The following CUBN variants were observed in gnomAD, a reference collection of about 807,000 sequenced individuals.
The protein encoded by CUBN is 460 kDa receptor.
CUBN carries 282 observed loss-of-function variants against 405.3 expected under a neutral mutation model. The observed-to-expected ratio is 0.70, with a 90% CI of 0.63 to 0.77. The LOEUF is 0.77. Among genes scored for constraint, CUBN ranks in the 30% least tolerant of loss-of-function variants. CUBN has a pLI of 0.00. For synonymous variants in CUBN, 1,684 were observed against 1,617.0 expected, an observed-to-expected ratio of 1.04 and a Z score of -0.99; for missense variants, 4,514 against 4,475.2, an observed-to-expected ratio of 1.01 and a Z score of -0.25.
chr10:17,073,179 G>A (rs1056264156), intron 17 of CUBN, among the ~76,000 whole-genome samples: 2 of 152,034 alleles, frequency 1.3e-5, no homozygotes, highest in Admixed American at 6.6e-5. Flanking sequence ...TATTAATATA[G>A]ATACACAAAT....
chr10:17,127,012 G>T (rs1564525824), intron 3 of CUBN, among the ~76,000 whole-genome samples: 1 of 150,576 alleles, frequency 6.6e-6, no homozygotes, highest in Non-Finnish European at 1.5e-5. Context: ...GTTTTTTTAA[G>T]TTTTTTTTTA....
chr10:16,854,942 C>CTTCCTTCCTTCCTTCCTTCCTTCCTTCT, intron 59 of CUBN, among the ~76,000 whole-genome samples: 1 of 148,928 alleles, frequency 6.7e-6, no homozygotes, highest in African/African-American at 2.5e-5. Flanking sequence ...TCCTCCCTCC[C>CTTCCTTCCTTCCTTCCTTCCTTCCTTCT]TCCCTCCCTT....
At chr10:16,908,871 T>C (rs1588640183) in intron 48 of CUBN, among the ~76,000 whole-genome samples, 1 of 125,180 alleles carries the variant, frequency 8.0e-6, no homozygotes, top group Non-Finnish European at 1.8e-5. Context: ...AGATGTCATC[T>C]CTTTTTTTTT....
intron 48 of CUBN, among the ~76,000 whole-genome samples, chr10:16,911,011 G>A (rs1276398597): frequency 6.6e-6 from 1 of 152,096 alleles, no homozygotes; most frequent in Admixed American, 6.6e-5. Context: ...CACATTTGAT[G>A]GCAAAGGGAA....
rs1836122780 is a variant in CUBN, at chr10:17,086,916, A to C, written c.1948-1157T>G. On this transcript the variant is annotated intron_variant, in intron 15 of 66. Transcript: ENST00000377833. ...TGTGTAGGAATTTTTTAAAGCCTCT[A>C]ATTTTAACTTGATGGAATTTATTGA... Among the ~76,000 whole-genome samples the C allele has an allele frequency of 3.9e-5, 6 of 152,218 alleles. 1 individual carries two copies. The South Asian group carries it at 1.2e-3, about 32-fold the overall frequency.
intron 66 of CUBN, among the ~76,000 whole-genome samples, chr10:16,828,468 A>G (rs1330307526): frequency 6.6e-6 from 1 of 152,166 alleles, no homozygotes; most frequent in Non-Finnish European, 1.5e-5. Context: ...GTGTAATCCC[A>G]ACACTTTCGG....
At chr10:16,918,073 G>A (rs1242436068) in intron 45 of CUBN, among the ~76,000 whole-genome samples, 1 of 152,018 alleles carries the variant, frequency 6.6e-6, no homozygotes, top group Non-Finnish European at 1.5e-5. Context: ...GCTTGCTTTT[G>A]TCAGCTTTGT....
intron 4 of CUBN, among the ~76,000 whole-genome samples, chr10:17,124,858 G>T (rs1180592024): frequency 6.6e-6 from 1 of 151,940 alleles, no homozygotes; most frequent in Non-Finnish European, 1.5e-5. Context: ...TTGAGATGGA[G>T]CCTCGGTCTG....
rs568867000 is a variant in CUBN, at chr10:17,042,425, A to T, written c.3830-1205T>A. On this transcript the variant is annotated intron_variant, in intron 26 of 66. Coordinates refer to ENST00000377833, the MANE Select transcript of CUBN (RefSeq NM_001081.4). ...ACTATTTGTAAATCTCCAATTTCCC[A>T]TGGCAAATTTTACAGATAATCTCAC... Among the ~76,000 whole-genome samples the T allele has an allele frequency of 1.8e-4, 27 of 152,276 alleles. No homozygotes were observed. In the East Asian group the frequency reaches 5.2e-3, roughly 29 times the overall value.
At chr10:16,994,109 G>C (rs1268910087) in intron 28 of CUBN, among the ~76,000 whole-genome samples, 1 of 152,028 alleles carries the variant, frequency 6.6e-6, no homozygotes, top group Non-Finnish European at 1.5e-5. Flanking sequence ...TTGTAATTCT[G>C]GTAATTACGG....
At chr10:17,088,112 C>T (rs2131869218) in intron 15 of CUBN, 52 bp downstream of exon 15, 1 of 1,443,702 alleles carries the variant, frequency 6.9e-7, no homozygotes, top group Non-Finnish European at 9.7e-7. Flanking sequence ...GACCATAGTG[C>T]CCTGAGTCCT....
At chr10:17,067,516 G>A (rs73602209) in intron 21 of CUBN, among the ~76,000 whole-genome samples, 3,313 of 152,176 alleles carry the variant, frequency 0.022, 119 homozygotes, top group African/African-American at 0.075. Context: ...GAGAGTTGTA[G>A]AACAATTTCA....
rs1841341138 is a variant in CUBN, at chr10:16,900,842, A to G, written c.8193T>C (p.Phe2731=). ...APQGHTITLT[F]SDFDIEPHTT... is the part of the protein sequence containing the mutation. Reference sequence around the variant, plus strand: ...TATGGGGTTCAATATCAAAGTCACTAAATGTGAGCTGCAGGAGAAAAAAGA... The same window carrying G: ...TATGGGGTTCAATATCAAAGTCACTGAATGTGAGCTGCAGGAGAAAAAAGA... The change falls in exon 53 of 67, where the codon TTT becomes TTC. Residue 2731 remains phenylalanine (F), a synonymous_variant. Transcript: ENST00000377833. 2 of 1,611,886 alleles carry G rather than the reference A, an allele frequency of 1.2e-6. No individual in the cohort carries two copies. Among genetic ancestry groups the G allele is most frequent in the Non-Finnish European group, 1.7e-6 (2 of 1,178,500 alleles).
At chr10:17,109,196 C>T (rs75457806) in intron 10 of CUBN, among the ~76,000 whole-genome samples, 1 of 152,268 alleles carries the variant, frequency 6.6e-6, no homozygotes, top group African/African-American at 2.4e-5. Context: ...TGTTGGTTGT[C>T]ACCCTAGATC....
At chr10:17,018,252 G>A (rs922144231) in intron 28 of CUBN, among the ~76,000 whole-genome samples, 1 of 152,168 alleles carries the variant, frequency 6.6e-6, no homozygotes, top group Non-Finnish European at 1.5e-5. Context: ...AGCGAAAGGG[G>A]TCCAGTGGTA....
chr10:16,940,128 G>A lies in CUBN; in HGVS notation c.5452C>T (p.Leu1818Phe), dbSNP rs1564436063. 2.5e-6 allele frequency: 4 copies of A among 1,614,110 alleles called. No homozygotes were observed. The East Asian group carries it at 8.9e-5, about 36-fold the overall frequency. Residue 1818 changes from leucine to phenylalanine, a missense_variant, in exon 37 of 67, where the codon CTC becomes TTC. Coordinates refer to ENST00000377833, the MANE Select transcript of CUBN (RefSeq NM_001081.4). ...VGRYCGNSFP[L>F]NYSSIVGHTL... ...TGTCCAACGATGGAAGAATAATTGA[G>A]AGGGAAGGAGTTTCCACAGTATCGT...
At position 16,952,333 on chromosome 10, in the gene CUBN, G is replaced by T. The variant is rs777286188; in HGVS notation, c.4912C>A (p.Pro1638Thr). The T allele has an allele frequency of 1.8e-5, 29 of 1,613,854 alleles. No individual in the cohort carries two copies. The highest frequency in any genetic ancestry group is 2.3e-5 in the Non-Finnish European group (27 of 1,179,948). ...TTCTGATTGTTTGGATAATTGGCAG[G>T]GAACCGTGGAGAGGAAACAGTATCA... ...SFDTVSSPRFPANYPNNQNCS... is the reference protein window; with the variant it reads ...SFDTVSSPRFTANYPNNQNCS... The change falls in exon 33 of 67, where the codon CCT becomes ACT. Residue 1638 changes from proline to threonine, a missense_variant. Around this residue, in one of 5 missense-constraint regions of CUBN, gnomAD observed 1,613 missense variants for 1,542.8 expected, o/e 1.05. Coordinates refer to ENST00000377833, the MANE Select transcript of CUBN (RefSeq NM_001081.4).
chr10:17,060,788 T>G (rs1835489295), intron 22 of CUBN, among the ~76,000 whole-genome samples: 1 of 152,132 alleles, frequency 6.6e-6, no homozygotes, highest in African/African-American at 2.4e-5. Context: ...CGGTGGCTCA[T>G]GCCTGTAATA....
intron 60 of CUBN, among the ~76,000 whole-genome samples, chr10:16,845,839 A>G (rs1839493126): frequency 6.6e-6 from 1 of 152,216 alleles, no homozygotes; most frequent in South Asian, 2.1e-4. Flanking sequence ...AGCCCGGTGC[A>G]TTAAGTCAGA....
Sources: allele counts gnomAD v4.1 joint callset (sites outside exome capture counted in the v4.1 genomes callset), GRCh38; gene constraint gnomAD v4.1.1; regional missense constraint gnomAD v4.1.1; transcripts MANE v1.5; gene names NCBI Gene and HGNC (gene_info 2026-07-23, HGNC 2026-07-21).